CCDC141: variants seen among roughly 807,000 people sequenced by gnomAD.
The protein encoded by CCDC141 is coiled-coil domain-containing protein 141.
Under a neutral mutation model 181.0 loss-of-function variants are expected in CCDC141, and 168 were observed. That is an observed-to-expected ratio of 0.93 (90% confidence interval 0.82 to 1.05). The LOEUF is 1.05. Ranked by LOEUF, CCDC141 falls within the 50% of genes least tolerant of loss-of-function variation. The pLI is 0.00. For synonymous variants in CCDC141, 666 were observed against 642.3 expected (o/e 1.04, Z -0.56); for missense variants, 1,902 against 1,788.5 (o/e 1.06, Z -1.14).
chr2:178,997,095 T>C (rs1049714682), intron 2 of CCDC141, among the ~76,000 whole-genome samples: 2 of 152,174 alleles, frequency 1.3e-5, no homozygotes, highest in Non-Finnish European at 2.9e-5. Context: ...ATGAGATTCT[T>C]GAAATAGAAC....
In CCDC141 at chr2:178,924,029, AAAT is replaced by A. The variant is rs533381714; in HGVS notation, c.898-5125_898-5123del. The stretch of plus-strand genomic sequence containing the variant: ...GTTAGCTGCTCCAACTGAAAAGAAA[AAAT>A]AATAATAACTACAGTATGTTTAGTA... On this transcript the variant is annotated intron_variant, in intron 6 of 23. Transcript: ENST00000443758. 1.2e-4 allele frequency among the ~76,000 whole-genome samples: 19 copies of A among 152,344 alleles called. No homozygotes were observed. In the East Asian group the frequency reaches 3.7e-3, roughly 29 times the overall value.
At position 179,021,836 on chromosome 2, in the gene CCDC141, A is replaced by G. The variant is rs571406243; in HGVS notation, c.225+25448T>C. Reference sequence around the variant, plus strand: ...GCTACAACTTAGTCCCTTTATAATTATGAGACTAAGTATAATGTAAATGGA... The same window carrying G: ...GCTACAACTTAGTCCCTTTATAATTGTGAGACTAAGTATAATGTAAATGGA... On this transcript the variant is annotated intron_variant, in intron 2 of 23. Coordinates refer to ENST00000443758, the MANE Select transcript of CCDC141 (RefSeq NM_173648.4). Among the ~76,000 whole-genome samples, 16 of 152,332 alleles carry G rather than the reference A, an allele frequency of 1.1e-4. No homozygotes were observed. The South Asian group carries it at 3.3e-3, about 32-fold the overall frequency.
rs1685563598 is a variant in CCDC141, at chr2:178,860,543, C to CATT, written c.2725-4147_2725-4146insAAT. ...GCGAGACTCAAAAAAAAAAACAACACTTTTTTTTTTTTTTTTTTTTTTTTT... is the reference window on the plus strand; with the variant it reads ...GCGAGACTCAAAAAAAAAAACAACACATTTTTTTTTTTTTTTTTTTTTTTTTTT... On this transcript the variant is annotated intron_variant, in intron 17 of 23. Coordinates refer to ENST00000443758, the MANE Select transcript of CCDC141 (RefSeq NM_173648.4). Among the ~76,000 whole-genome samples the CATT allele has an allele frequency of 5.8e-5, 3 of 51,338 alleles. No individual in the cohort carries two copies. In the Admixed American group the frequency reaches 7.4e-4, roughly 13 times the overall value. 33.7% of individuals were successfully genotyped at this position (51,338 alleles called of 152,430 possible). A position where few individuals can be genotyped will look rare whatever the true frequency, so the allele number is the denominator to read the frequency against.
intron 6 of CCDC141, 54 bp from the exon 7 acceptor site, chr2:178,918,961 GC>G: frequency 1.4e-6 from 2 of 1,442,196 alleles, no homozygotes; most frequent in Non-Finnish European, 1.9e-6. Flanking sequence ...TGGACCGAAT[GC>G]TTGTGTCCCC....
At position 178,837,382 on chromosome 2, in the gene CCDC141, C is replaced by A; in HGVS notation, c.3837G>T (p.Lys1279Asn). ...PVAFADACNDKRETFSSHFER... is the reference protein window; with the variant it reads ...PVAFADACNDNRETFSSHFER... ...CAAAATGACTTGAAAATGTTTCTCT[C>A]TTATCATTGCATGCATCCGCAAAGG... The change falls in exon 23 of 24, where the codon AAG becomes AAT. Residue 1279 changes from lysine (K) to asparagine (N), a missense_variant. Transcript: ENST00000443758. 2.5e-6 allele frequency: 4 copies of A among 1,614,078 alleles called. No homozygotes were observed. Among genetic ancestry groups the A allele is most frequent in the Non-Finnish European group, 3.4e-6 (4 of 1,179,988 alleles).
intron 12 of CCDC141, chr2:178,874,270 A>C (rs1162126971): frequency 6.6e-6 from 1 of 150,886 alleles, no homozygotes; most frequent in Non-Finnish European, 1.5e-5. Context: ...CGTGGGCTTT[A>C]ATTTTATCAA....
At chr2:178,933,897 C>T (rs1382754734) in intron 6 of CCDC141, among the ~76,000 whole-genome samples, 2 of 152,212 alleles carry the variant, frequency 1.3e-5, no homozygotes, top group African/African-American at 2.4e-5. Flanking sequence ...AAACGTATTA[C>T]TGGGCTCCAG....
intron 6 of CCDC141, among the ~76,000 whole-genome samples, chr2:178,929,378 G>GTGCAGCAATGAGAAGAAAATTT (rs1355918037): frequency 6.6e-6 from 1 of 152,090 alleles, no homozygotes; most frequent in East Asian, 1.9e-4. Context: ...GAAGAAAATT[G>GTGCAGCAATGAGAAGAAAATTT]TTCAACAATG....
rs1043693874 is a variant in CCDC141 at position 178,918,914 on chromosome 2, G to C, written c.898-7C>G. 5.2e-6 allele frequency: 8 copies of C among 1,548,036 alleles called. No homozygotes were observed. The highest frequency in any genetic ancestry group is 4.4e-6 in the Non-Finnish European group (5 of 1,145,634). On this transcript the variant is annotated splice_polypyrimidine_tract_variant and splice_region_variant and intron_variant, in intron 6 of 23. Transcript: ENST00000443758. ...CAACAGCAGAATTCCATTCCTGCAA[G>C]AGATTATTCTTATTATTTTATACAT...
chr2:178,974,919 A>C, intron 4 of CCDC141, 138 bp downstream of exon 4: 1 of 462,368 alleles, frequency 2.2e-6, no homozygotes, highest in Non-Finnish European at 3.9e-6. Context: ...TTAAAAATGA[A>C]GCTTTAACTT....
chr2:178,909,686 G>C (rs1238555749), intron 7 of CCDC141, among the ~76,000 whole-genome samples: 2 of 152,090 alleles, frequency 1.3e-5, no homozygotes, highest in African/African-American at 2.4e-5. Flanking sequence ...ATAGAACTGA[G>C]TGCTTTTCTA....
intron 8 of CCDC141, among the ~76,000 whole-genome samples, chr2:178,899,912 G>C (rs1254645236): frequency 6.6e-6 from 1 of 152,090 alleles, no homozygotes; most frequent in Non-Finnish European, 1.5e-5. Context: ...ATCCCAAACA[G>C]AATGCATGGG....
At chr2:179,004,381 T>C (rs1173378937) in intron 2 of CCDC141, among the ~76,000 whole-genome samples, 3 of 152,200 alleles carry the variant, frequency 2.0e-5, no homozygotes, top group Non-Finnish European at 2.9e-5. Flanking sequence ...ATTTTTCTAA[T>C]ACATTTGTTT....
chr2:178,969,591 C>T (rs921509135), intron 4 of CCDC141, among the ~76,000 whole-genome samples: 1 of 152,138 alleles, frequency 6.6e-6, no homozygotes, highest in Non-Finnish European at 1.5e-5. Flanking sequence ...ATGCTAAAAA[C>T]CCTCAATAAA....
the CCDC141 span, among the ~76,000 whole-genome samples, chr2:178,816,217 T>G: frequency 7.2e-5 from 11 of 152,316 alleles, no homozygotes; most frequent in African/African-American, 2.6e-4. Flanking sequence ...CTTCTCTCCC[T>G]AAAGCCTGGC....
At chr2:178,964,770 A>C (rs1486072867) in intron 4 of CCDC141, among the ~76,000 whole-genome samples, 1 of 152,222 alleles carries the variant, frequency 6.6e-6, no homozygotes, top group Non-Finnish European at 1.5e-5. Flanking sequence ...CCCCAAGAGT[A>C]AACTGTCTAG....
At chr2:178,983,326 A>G (rs1268388750) in intron 2 of CCDC141, among the ~76,000 whole-genome samples, 1 of 152,194 alleles carries the variant, frequency 6.6e-6, no homozygotes, top group Admixed American at 6.5e-5. Context: ...CATCACCATC[A>G]TCAAAGACCA....
intron 12 of CCDC141, chr2:178,875,106 C>G (rs1686301377): frequency 6.6e-6 from 1 of 152,134 alleles, no homozygotes; most frequent in Non-Finnish European, 1.5e-5. Flanking sequence ...CCCACCAATG[C>G]CTGCCTGGAG....
At chr2:178,989,200 G>T (rs995110274) in intron 2 of CCDC141, among the ~76,000 whole-genome samples, 3 of 151,598 alleles carry the variant, frequency 2.0e-5, no homozygotes, top group Non-Finnish European at 4.4e-5. Flanking sequence ...CATTATCAAA[G>T]AAGTAAAAAG....
Sources: gnomAD v4.1 joint callset for allele counts (sites outside exome capture counted in the v4.1 genomes callset) on GRCh38, gnomAD v4.1.1 for gene constraint, MANE v1.5 for transcripts, NCBI Gene and HGNC (gene_info 2026-07-23, HGNC 2026-07-21) for gene names.